Variants in NR3C1 observed in about 807,000 individuals in gnomAD.
NR3C1 encodes the protein nuclear receptor subfamily 3 group C member 1.
A neutral mutation model predicts 74.0 loss-of-function variants in NR3C1; 14 were observed. The ratio of observed to expected loss-of-function variants is 0.19; its 90% CI spans 0.12 to 0.30. NR3C1 has a LOEUF of 0.30. Ranked by LOEUF, NR3C1 falls within the 10% of genes least tolerant of loss-of-function variation. The pLI is 1.00. For synonymous variants in NR3C1, 308 were observed against 332.5 expected, an observed-to-expected ratio of 0.93 and a Z score of 0.80; for missense variants, 695 against 909.8, an observed-to-expected ratio of 0.76 and a Z score of 3.04.
chr5:143,287,739 T>G (rs1480516347), intron 7 of NR3C1, among the ~76,000 whole-genome samples: 2 of 152,092 alleles, frequency 1.3e-5, no homozygotes, highest in Non-Finnish European at 2.9e-5. Context: ...TAAAGAGAGA[T>G]ATAAAAATGA....
At chr5:143,340,700 C>T (rs572445905) in intron 2 of NR3C1, among the ~76,000 whole-genome samples, 55 of 152,124 alleles carry the variant, frequency 3.6e-4, no homozygotes, top group South Asian at 2.9e-3. Context: ...CCAGGCTGGT[C>T]TTGAACTCCT....
At chr5:143,412,144 A>AG (rs1224878881) in intron 1 of NR3C1, among the ~76,000 whole-genome samples, 6 of 151,800 alleles carry the variant, frequency 4.0e-5, no homozygotes, top group Non-Finnish European at 7.4e-5. Context: ...GGAGTCAGGG[A>AG]GGGTTGTAGT....
At chr5:143,364,027 T>C (rs1832748221) in intron 2 of NR3C1, among the ~76,000 whole-genome samples, 1 of 151,588 alleles carries the variant, frequency 6.6e-6, no homozygotes, top group African/African-American at 2.4e-5. Flanking sequence ...TCTGATGAAA[T>C]ACATCTACAA....
intron 2 of NR3C1, among the ~76,000 whole-genome samples, chr5:143,399,162 T>C (rs1404152944): frequency 6.6e-6 from 1 of 152,210 alleles, no homozygotes; most frequent in Admixed American, 6.5e-5. Flanking sequence ...AGAATAGGGC[T>C]CTTTGTTAGT....
At chr5:143,309,970 C>T in intron 4 of NR3C1, 127 bp downstream of exon 4, 1 of 731,764 alleles carries the variant, frequency 1.4e-6, no homozygotes, top group Admixed American at 2.2e-5. Context: ...TAACATTATG[C>T]TAGTCAAGCA....
intron 2 of NR3C1, among the ~76,000 whole-genome samples, chr5:143,351,746 T>A (rs1830262461): frequency 6.6e-6 from 1 of 152,214 alleles, no homozygotes; most frequent in Non-Finnish European, 1.5e-5. Context: ...AAAAAATTTA[T>A]AAAGATATAA....
intron 4 of NR3C1, among the ~76,000 whole-genome samples, chr5:143,306,075 A>C (rs1248544532): frequency 1.3e-5 from 2 of 152,228 alleles, no homozygotes; most frequent in Non-Finnish European, 2.9e-5. Context: ...AAAAACATTT[A>C]GTTTCAAGAG....
intron 1 of NR3C1, chr5:143,402,881 TA>T (rs1232552676): frequency 1.0e-6 from 1 of 962,356 alleles, no homozygotes; most frequent in African/African-American, 1.8e-5. Flanking sequence ...AAGGGGACAC[TA>T]GGGGGAGAAA....
intron 7 of NR3C1, among the ~76,000 whole-genome samples, chr5:143,294,624 G>A (rs1439905015): frequency 1.3e-5 from 2 of 152,054 alleles, no homozygotes; most frequent in African/African-American, 2.4e-5. Flanking sequence ...AAAATCCTCT[G>A]TGCTCTGCAC....
chr5:143,340,279 C>A (rs1455527175), intron 2 of NR3C1, among the ~76,000 whole-genome samples: 2 of 151,940 alleles, frequency 1.3e-5, no homozygotes, highest in African/African-American at 4.8e-5. Context: ...TAGACTCAAT[C>A]CCCAAATTGA....
rs1813137244 is a variant in NR3C1, at chr5:143,281,710, T to G, written c.*179A>C. On this transcript the variant is annotated 3_prime_UTR_variant, in exon 9 of 9. Transcript: ENST00000394464. Reference sequence around the variant, plus strand: ...CACTGAAAAGTGATGACGACTCAACTGCTTCTGTTGCCAAGTCTTGGCCCT... The same window carrying G: ...CACTGAAAAGTGATGACGACTCAACGGCTTCTGTTGCCAAGTCTTGGCCCT... The G allele has an allele frequency of 1.6e-6, 1 of 607,754 alleles. No homozygotes were observed. Among genetic ancestry groups the G allele is most frequent in the Admixed American group, 3.0e-5 (1 of 33,526 alleles). The allele number at this position is 607,754 out of a possible 1,614,324, so 37.6% of individuals were successfully genotyped here.
chr5:143,304,035 C>T (rs1819065526), intron 4 of NR3C1, among the ~76,000 whole-genome samples: 1 of 152,082 alleles, frequency 6.6e-6, no homozygotes, highest in African/African-American at 2.4e-5. Flanking sequence ...TGTCACCATT[C>T]CAATTTAACA....
chr5:143,313,195 T>G (rs1821346577), intron 3 of NR3C1, among the ~76,000 whole-genome samples: 1 of 152,226 alleles, frequency 6.6e-6, no homozygotes, highest in Admixed American at 6.5e-5. Flanking sequence ...ATTTTTTTCC[T>G]AGAGGAGTCA....
chr5:143,409,367 T>C (rs1010959387), intron 1 of NR3C1: 2 of 152,248 alleles, frequency 1.3e-5, no homozygotes, highest in South Asian at 4.1e-4. Context: ...TTCTTTGTCA[T>C]GGCTTCAGTT....
rs1280581702 is a variant in NR3C1, at chr5:143,399,931, C to T, written c.909G>A (p.Gln303=). ...KQEKLGTVYC[Q]ASFPGANIIG... Reference sequence around the variant, plus strand: ...TTATATTTGCTCCAGGAAAGCTTGCCTGACAGTAAACTGTGCCCAGTTTCT... The same window carrying T: ...TTATATTTGCTCCAGGAAAGCTTGCTTGACAGTAAACTGTGCCCAGTTTCT... The change falls in exon 2 of 9, where the codon CAG becomes CAA. Residue 303 remains glutamine (Q), a synonymous_variant. Coordinates refer to ENST00000394464, the MANE Select transcript of NR3C1 (RefSeq NM_000176.3). 1.9e-6 allele frequency: 3 copies of T among 1,614,064 alleles called. No homozygotes were observed. The highest frequency in any genetic ancestry group is 2.2e-5 in the South Asian group (2 of 91,086).
chr5:143,425,496 A>G (rs181173523), intron 1 of NR3C1, among the ~76,000 whole-genome samples: 2 of 152,302 alleles, frequency 1.3e-5, no homozygotes, highest in African/African-American at 2.4e-5. Context: ...AAAGGTCTAG[A>G]TCTAGAATAT....
At chr5:143,340,125 G>C (rs1827906273) in intron 2 of NR3C1, among the ~76,000 whole-genome samples, 1 of 151,874 alleles carries the variant, frequency 6.6e-6, no homozygotes, top group African/African-American at 2.4e-5. Flanking sequence ...AATAGATATG[G>C]GACAAAAGAT....
chr5:143,370,837 G>A (rs1287366617), intron 2 of NR3C1, among the ~76,000 whole-genome samples: 1 of 152,192 alleles, frequency 6.6e-6, no homozygotes, highest in Non-Finnish European at 1.5e-5. Flanking sequence ...AATTAGGTCT[G>A]TATAAAAGCA....
chr5:143,414,752 GA>G (rs1183420458), intron 1 of NR3C1, among the ~76,000 whole-genome samples: 1 of 151,728 alleles, frequency 6.6e-6, no homozygotes. Context: ...GATGAAGTGT[GA>G]AAAAAAAGGA....
Sources: gnomAD v4.1 joint callset for allele counts (sites outside exome capture counted in the v4.1 genomes callset) on GRCh38, gnomAD v4.1.1 for gene constraint, MANE v1.5 for transcripts, NCBI Gene and HGNC (gene_info 2026-07-23, HGNC 2026-07-21) for gene names.